Variants in MECOM observed in about 807,000 individuals in gnomAD.
The protein encoded by MECOM is histone-lysine N-methyltransferase MECOM.
Under a neutral mutation model 116.3 loss-of-function variants are expected in MECOM, and 13 were observed. The observed-to-expected ratio is 0.11, with a 90% CI of 0.07 to 0.18. The LOEUF is 0.18. Ranked by LOEUF, MECOM falls within the 10% of genes least tolerant of loss-of-function variation. The probability of loss-of-function intolerance (pLI) is 1.00; values close to 1 mark genes in which losing one functional copy is unlikely to be tolerated. For synonymous variants in MECOM, 528 were observed against 535.2 expected (o/e 0.99, Z 0.19); for missense variants, 1,299 against 1,509.0 (o/e 0.86, Z 2.31).
chr3:169,220,307 C>G (rs1221200469), intron 2 of MECOM, among the ~76,000 whole-genome samples: 2 of 152,026 alleles, frequency 1.3e-5, no homozygotes, highest in Non-Finnish European at 2.9e-5. Context: ...AACTCTGTCT[C>G]AAAAACAAGC....
intron 1 of MECOM, among the ~76,000 whole-genome samples, chr3:169,400,979 C>T (rs1735798828): frequency 6.6e-6 from 1 of 152,182 alleles, no homozygotes; most frequent in Non-Finnish European, 1.5e-5. Context: ...AGTAATGGTT[C>T]AGATGGAAAC....
intron 1 of MECOM, among the ~76,000 whole-genome samples, chr3:169,662,783 G>A (rs1052236777): frequency 2.0e-5 from 3 of 151,948 alleles, no homozygotes; most frequent in Middle Eastern, 3.2e-3. Context: ...GCCGCCCGCC[G>A]CCGCCGCCAC....
At chr3:169,353,241 C>T (rs746762223) in intron 2 of MECOM, among the ~76,000 whole-genome samples, 3 of 151,716 alleles carry the variant, frequency 2.0e-5, no homozygotes, top group East Asian at 1.9e-4. Context: ...GATAATGAGT[C>T]GGGAATTAAG....
chr3:169,273,591 G>C (rs16853395), intron 2 of MECOM, among the ~76,000 whole-genome samples: 1 of 152,130 alleles, frequency 6.6e-6, no homozygotes, highest in South Asian at 2.1e-4. Flanking sequence ...CGGAGAGAAG[G>C]GCTTGGGAAT....
intron 2 of MECOM, among the ~76,000 whole-genome samples, chr3:169,190,978 T>G (rs2149421189): frequency 6.6e-6 from 1 of 152,044 alleles, no homozygotes; most frequent in South Asian, 2.1e-4. Context: ...GTAGGCAATT[T>G]TACCCATAGA....
chr3:169,563,539 C>G (rs1229390402), intron 1 of MECOM, among the ~76,000 whole-genome samples: 1 of 152,136 alleles, frequency 6.6e-6, no homozygotes, highest in Non-Finnish European at 1.5e-5. Flanking sequence ...GCCATCTAGT[C>G]TGCATCTGGA....
intron 1 of MECOM, among the ~76,000 whole-genome samples, chr3:169,616,241 C>G (rs1769986068): frequency 6.6e-6 from 1 of 152,244 alleles, no homozygotes; most frequent in Non-Finnish European, 1.5e-5. Flanking sequence ...AGCTTCATCT[C>G]ACCCTATTTT....
chr3:169,125,890 A>C (rs1182984257), intron 5 of MECOM, among the ~76,000 whole-genome samples: 1 of 152,252 alleles, frequency 6.6e-6, no homozygotes, highest in Non-Finnish European at 1.5e-5. Context: ...GCAGAAGAAC[A>C]GATCAAATCC....
chr3:169,315,325 C>A (rs1719539913), intron 2 of MECOM, among the ~76,000 whole-genome samples: 1 of 152,228 alleles, frequency 6.6e-6, no homozygotes, highest in African/African-American at 2.4e-5. Flanking sequence ...ATCCAAGTCT[C>A]ACACTGTCCT....
At chr3:169,401,235 A>G in intron 1 of MECOM, among the ~76,000 whole-genome samples, 1 of 152,152 alleles carries the variant, frequency 6.6e-6, no homozygotes, top group East Asian at 1.9e-4. Flanking sequence ...TGCAGTAGAC[A>G]AGGGCCTGCC....
chr3:169,630,361 G>A (rs1210314381), intron 1 of MECOM, among the ~76,000 whole-genome samples: 5 of 151,746 alleles, frequency 3.3e-5, no homozygotes, highest in African/African-American at 9.7e-5. Context: ...CCCATGAGAA[G>A]GATGGAGTTT....
chr3:169,646,581 C>G (rs1774219709), intron 1 of MECOM, among the ~76,000 whole-genome samples: 1 of 151,776 alleles, frequency 6.6e-6, no homozygotes, highest in Non-Finnish European at 1.5e-5. Flanking sequence ...TGTTGCAGGC[C>G]CAAGTCATTT....
chr3:169,430,485 C>T (rs1400674046), intron 1 of MECOM, among the ~76,000 whole-genome samples: 3 of 151,958 alleles, frequency 2.0e-5, no homozygotes, highest in Non-Finnish European at 4.4e-5. Context: ...AAACTAATAG[C>T]TCTCAGGTTC....
At chr3:169,359,371 CTA>C (rs1356984085) in intron 2 of MECOM, among the ~76,000 whole-genome samples, 1 of 151,688 alleles carries the variant, frequency 6.6e-6, no homozygotes, top group East Asian at 2.0e-4. Flanking sequence ...AATTGGAGAT[CTA>C]TGTTTCTATC....
intron 2 of MECOM, among the ~76,000 whole-genome samples, chr3:169,356,545 G>C (rs777081676): frequency 6.6e-6 from 1 of 151,796 alleles, no homozygotes; most frequent in Non-Finnish European, 1.5e-5. Flanking sequence ...CAAAAAAGTG[G>C]GCCCTGCCAC....
At chr3:169,619,795 T>G (rs1770479616) in intron 1 of MECOM, among the ~76,000 whole-genome samples, 1 of 152,196 alleles carries the variant, frequency 6.6e-6, no homozygotes, top group African/African-American at 2.4e-5. Flanking sequence ...ATATTATTTA[T>G]AAAAACAAAC....
intron 2 of MECOM, among the ~76,000 whole-genome samples, chr3:169,241,277 A>C (rs1237077380): frequency 6.6e-6 from 1 of 152,134 alleles, no homozygotes; most frequent in African/African-American, 2.4e-5. Context: ...AGGGGTTACA[A>C]AGGTGGAGAG....
At chr3:169,209,777 A>G (rs1750465272) in intron 2 of MECOM, among the ~76,000 whole-genome samples, 1 of 152,208 alleles carries the variant, frequency 6.6e-6, no homozygotes, top group South Asian at 2.1e-4. Flanking sequence ...TAGTGTAATC[A>G]TCGTGGAAGA....
At chr3:169,155,598 CAG>C (rs3042092) in intron 2 of MECOM, among the ~76,000 whole-genome samples, 5,300 of 152,152 alleles carry the variant, frequency 0.035, 296 homozygotes, top group African/African-American at 0.12. Context: ...GAGCAAAAAA[CAG>C]AAGAAAAACC....
Sources: gnomAD v4.1 joint callset for allele counts (sites outside exome capture counted in the v4.1 genomes callset) on GRCh38, gnomAD v4.1.1 for gene constraint, MANE v1.5 for transcripts, NCBI Gene and HGNC (gene_info 2026-07-23, HGNC 2026-07-21) for gene names.